Variants in DCC observed in about 807,000 individuals in gnomAD.
DCC encodes the protein DCC netrin 1 receptor, also known as netrin receptor DCC.
DCC carries 58 observed loss-of-function variants against 172.5 expected under a neutral mutation model. The observed-to-expected ratio is 0.34, with a 90% CI of 0.27 to 0.42. The LOEUF (loss-of-function observed/expected upper bound fraction) is 0.42. Among genes scored for constraint, DCC ranks in the 10% least tolerant of loss-of-function variants. DCC has a pLI of 1.00. For missense variants in DCC, 1,740 were observed against 1,791.0 expected, an observed-to-expected ratio of 0.97 and a Z score of 0.51; for synonymous variants, 709 against 644.5, an observed-to-expected ratio of 1.10 and a Z score of -1.52.
chr18:52,593,397 A>G (rs996408956), intron 1 of DCC, among the ~76,000 whole-genome samples: 2 of 152,196 alleles, frequency 1.3e-5, no homozygotes, highest in African/African-American at 4.8e-5. Flanking sequence ...ATTCATGTCA[A>G]GACTTTGGGT....
At chr18:52,639,714 T>G (rs1945801991) in intron 1 of DCC, among the ~76,000 whole-genome samples, 1 of 151,858 alleles carries the variant, frequency 6.6e-6, no homozygotes, top group African/African-American at 2.4e-5. Context: ...AGACTGAAAT[T>G]ATAATTTAAA....
At chr18:53,033,444 G>C (rs1320543653) in intron 5 of DCC, among the ~76,000 whole-genome samples, 2 of 152,108 alleles carry the variant, frequency 1.3e-5, no homozygotes, top group African/African-American at 4.8e-5. Flanking sequence ...TGCATATGTT[G>C]CTCTCAATTG....
intron 25 of DCC, among the ~76,000 whole-genome samples, chr18:53,469,008 G>A (rs2045662622): frequency 6.6e-6 from 1 of 151,968 alleles, no homozygotes; most frequent in African/African-American, 2.4e-5. Context: ...AATCAAACCA[G>A]TACAAAATCT....
chr18:53,187,732 G>A (rs1002393316), intron 9 of DCC, among the ~76,000 whole-genome samples: 2 of 152,112 alleles, frequency 1.3e-5, no homozygotes, highest in Admixed American at 6.5e-5. Flanking sequence ...TAACTCCAAT[G>A]TTCTTACATT....
intron 15 of DCC, among the ~76,000 whole-genome samples, chr18:53,367,687 CTCCCTG>C (rs1375107601): frequency 3.9e-5 from 6 of 152,170 alleles, no homozygotes; most frequent in Non-Finnish European, 5.9e-5. Flanking sequence ...ATTCTCCTCC[CTCCCTG>C]TCCCTGGCAG....
At chr18:53,018,566 G>A (rs1266931351) in intron 5 of DCC, among the ~76,000 whole-genome samples, 2 of 151,938 alleles carry the variant, frequency 1.3e-5, no homozygotes, top group East Asian at 3.9e-4. Context: ...TGATTTTTCT[G>A]TACATGTCCT....
At chr18:53,194,841 T>C (rs921592808) in intron 9 of DCC, among the ~76,000 whole-genome samples, 1 of 152,222 alleles carries the variant, frequency 6.6e-6, no homozygotes, top group Non-Finnish European at 1.5e-5. Flanking sequence ...TGGAATGCTA[T>C]GTTTTCCATC....
intron 1 of DCC, among the ~76,000 whole-genome samples, chr18:52,671,433 G>A (rs1481385675): frequency 6.6e-6 from 1 of 150,794 alleles, no homozygotes; most frequent in African/African-American, 2.4e-5. Context: ...TTTCCAATAT[G>A]CCTTTAAAAA....
At chr18:52,885,464 C>G (rs1191986354) in intron 2 of DCC, among the ~76,000 whole-genome samples, 1 of 152,172 alleles carries the variant, frequency 6.6e-6, no homozygotes, top group East Asian at 1.9e-4. Flanking sequence ...GGGATTCTTC[C>G]AGGCCACCAC....
chr18:53,138,708 G>A (rs1386329222), intron 7 of DCC, among the ~76,000 whole-genome samples: 1 of 152,134 alleles, frequency 6.6e-6, no homozygotes, highest in African/African-American at 2.4e-5. Flanking sequence ...TTTTGTCGTT[G>A]AATTGGTGAA....
intron 3 of DCC, among the ~76,000 whole-genome samples, chr18:52,907,347 TC>T (rs1485714321): frequency 7.4e-6 from 1 of 134,538 alleles, no homozygotes; most frequent in Non-Finnish European, 1.6e-5. Flanking sequence ...TATACATATA[TC>T]ATGTATATAT....
In DCC at chr18:53,207,730, A is replaced by T. The variant is rs373013159; in HGVS notation, c.1774A>T (p.Thr592Ser). The T allele has an allele frequency of 1.2e-6, 2 of 1,613,470 alleles. No homozygotes were observed. Among genetic ancestry groups the T allele is most frequent in the Non-Finnish European group, 1.7e-6 (2 of 1,179,488 alleles). Reference sequence around the variant, plus strand: ...TAAACTGGAAGGCCTGAAAAAATTCACCGAATATAGTCTTCGATTCTTAGC... The same window carrying T: ...TAAACTGGAAGGCCTGAAAAAATTCTCCGAATATAGTCTTCGATTCTTAGC... ...SYKLEGLKKF[T>S]EYSLRFLAYN... The change falls in exon 11 of 29, where the codon ACC becomes TCC. Residue 592 changes from threonine (T) to serine (S), a missense_variant. Transcript: ENST00000442544.
At chr18:52,686,296 A>G (rs2145001475) in intron 1 of DCC, among the ~76,000 whole-genome samples, 1 of 152,232 alleles carries the variant, frequency 6.6e-6, no homozygotes, top group Admixed American at 6.5e-5. Flanking sequence ...GGGCATTTTC[A>G]CATAGCTCAC....
chr18:52,679,412 AT>A (rs2035702926), intron 1 of DCC, among the ~76,000 whole-genome samples: 1 of 151,992 alleles, frequency 6.6e-6, no homozygotes, highest in Non-Finnish European at 1.5e-5. Flanking sequence ...GATGATGATG[AT>A]TTATAGCTGT....
intron 5 of DCC, among the ~76,000 whole-genome samples, chr18:52,969,740 G>A (rs1194913344): frequency 6.6e-6 from 1 of 151,640 alleles, no homozygotes; most frequent in Non-Finnish European, 1.5e-5. Context: ...TATTTTTCAG[G>A]ATAGGCTGAA....
At chr18:53,140,861 T>C (rs1294960271) in intron 7 of DCC, among the ~76,000 whole-genome samples, 2 of 152,120 alleles carry the variant, frequency 1.3e-5, no homozygotes, top group Non-Finnish European at 2.9e-5. Context: ...TGGCTATTGA[T>C]TTATTCAATA....
intron 22 of DCC, among the ~76,000 whole-genome samples, chr18:53,438,903 G>A (rs977881401): frequency 1.3e-5 from 2 of 152,188 alleles, no homozygotes; most frequent in African/African-American, 4.8e-5. Flanking sequence ...TAAATAGACC[G>A]ATGCCATTCA....
intron 13 of DCC, among the ~76,000 whole-genome samples, chr18:53,318,595 A>G (rs775636309): frequency 3.3e-5 from 5 of 152,230 alleles, no homozygotes; most frequent in Non-Finnish European, 5.9e-5. Context: ...AAAGTCTCTC[A>G]CTATTATTGA....
At chr18:52,838,764 G>A (rs184220492) in intron 2 of DCC, among the ~76,000 whole-genome samples, 8 of 152,254 alleles carry the variant, frequency 5.3e-5, no homozygotes, top group African/African-American at 1.2e-4. Context: ...TTTTATAAAT[G>A]GCCAATGAGC....
Sources: allele counts gnomAD v4.1 joint callset (sites outside exome capture counted in the v4.1 genomes callset), GRCh38; gene constraint gnomAD v4.1.1; transcripts MANE v1.5; gene names NCBI Gene and HGNC (gene_info 2026-07-23, HGNC 2026-07-21).